Variants in LIN9 observed in about 807,000 individuals in gnomAD.
The protein encoded by LIN9 is protein lin-9 homolog.
A neutral mutation model predicts 78.0 loss-of-function variants in LIN9; 18 were observed. The observed-to-expected ratio is 0.23, with a 90% confidence interval of 0.16 to 0.34. LIN9 has a LOEUF of 0.34. LIN9 is among the 10% of genes least tolerant of loss of function. The pLI, the probability that LIN9 is intolerant of heterozygous loss-of-function variation, is 1.00. For synonymous variants in LIN9, 192 were observed against 215.2 expected, an observed-to-expected ratio of 0.89 and a Z score of 0.94; for missense variants, 451 against 644.1, an observed-to-expected ratio of 0.70 and a Z score of 3.25.
At chr1:226,280,210 A>C (rs899636563) in intron 6 of LIN9, among the ~76,000 whole-genome samples, 1 of 152,222 alleles carries the variant, frequency 6.6e-6, no homozygotes, top group Non-Finnish European at 1.5e-5. Flanking sequence ...TTCACTTTCA[A>C]AGGTACATTA....
At chr1:226,266,930 C>T (rs1659955479) in intron 8 of LIN9, among the ~76,000 whole-genome samples, 1 of 151,878 alleles carries the variant, frequency 6.6e-6, no homozygotes, top group Admixed American at 6.6e-5. Context: ...CAGACATGTG[C>T]TACCCCACCC....
At chr1:226,233,257 G>A (rs968283899) in intron 13 of LIN9, 64 bp from the exon 14 acceptor site, 13 of 1,514,370 alleles carry the variant, frequency 8.6e-6, no homozygotes, top group Non-Finnish European at 1.2e-5. Flanking sequence ...TAAAATACCT[G>A]ATATAATCAA....
chr1:226,300,491 C>G (rs566874409), intron 2 of LIN9, among the ~76,000 whole-genome samples: 1 of 152,258 alleles, frequency 6.6e-6, no homozygotes, highest in African/African-American at 2.4e-5. Flanking sequence ...GTCGAGGCTA[C>G]AGTGAACTGT....
upstream of LIN9, chr1:226,309,597 G>A (rs906609793): frequency 1.6e-6 from 2 of 1,233,686 alleles, no homozygotes; most frequent in Non-Finnish European, 2.1e-6. Context: ...CATTGCCCGA[G>A]GGGGCTCTAC....
intron 1 of LIN9, among the ~76,000 whole-genome samples, chr1:226,302,860 C>T (rs536687905): frequency 1.3e-5 from 2 of 152,158 alleles, no homozygotes; most frequent in South Asian, 2.1e-4. Context: ...CATCTCAGAT[C>T]CTTAAACACT....
upstream of LIN9, chr1:226,309,451 A>G: frequency 9.2e-7 from 1 of 1,083,668 alleles, no homozygotes; most frequent in Non-Finnish European, 1.1e-6. Context: ...CCAGCTCCGG[A>G]GTCCCGCCCG....
intron 6 of LIN9, among the ~76,000 whole-genome samples, chr1:226,286,015 A>G (rs1443991857): frequency 6.6e-6 from 1 of 152,222 alleles, no homozygotes. Context: ...TATATTTAAC[A>G]TATAATCAAT....
intron 10 of LIN9, among the ~76,000 whole-genome samples, chr1:226,254,809 G>T (rs1426552053): frequency 6.6e-6 from 1 of 151,554 alleles, no homozygotes; most frequent in Non-Finnish European, 1.5e-5. Context: ...TACTCGGGAG[G>T]CTGAGGCAGA....
At chr1:226,242,619 A>G (rs1658188957) in intron 11 of LIN9, among the ~76,000 whole-genome samples, 1 of 152,234 alleles carries the variant, frequency 6.6e-6, no homozygotes. Context: ...GTGCAGGTCC[A>G]CTTACATTAC....
chr1:226,252,118 C>G (rs1428433724), intron 10 of LIN9, among the ~76,000 whole-genome samples: 2 of 151,684 alleles, frequency 1.3e-5, no homozygotes, highest in African/African-American at 4.8e-5. Flanking sequence ...CTCATCTCCA[C>G]AAAAAATAAA....
At position 226,301,204 on chromosome 1, in the gene LIN9, G is replaced by C. The variant is rs1465776773; in HGVS notation, c.33C>G (p.Ser11Arg). The part of the protein sequence containing the change: MAELDQLPDE[S>R]SSAKALVSLK... Reference sequence around the variant, plus strand: ...AACTGACAAGGGCTTTTGCTGAAGAGCCTGCAATTAAAAATAAAACAAATC... The same window carrying C: ...AACTGACAAGGGCTTTTGCTGAAGACCCTGCAATTAAAAATAAAACAAATC... The change falls in exon 2 of 15, where the codon AGC becomes AGG. Residue 11 changes from serine to arginine, a missense_variant and splice_region_variant. Ser to Arg is a moderately radical substitution (Grantham distance 110, BLOSUM62 -1). Transcript: ENST00000681046. 6.2e-7 allele frequency: 1 copy of C among 1,600,206 alleles called. No homozygotes were observed. Among genetic ancestry groups the C allele is most frequent in the East Asian group, 2.2e-5 (1 of 44,760 alleles).
In LIN9 at chr1:226,266,306, T is replaced by C; in HGVS notation, c.843A>G (p.Pro281=). 1 of 1,602,784 alleles carries C rather than the reference T, an allele frequency of 6.2e-7. No homozygotes were observed. Among genetic ancestry groups the C allele is most frequent in the Non-Finnish European group, 8.5e-7 (1 of 1,172,848 alleles). Residue 281 remains proline (P), a synonymous_variant, in exon 9 of 15, where the codon CCA becomes CCG. Transcript: ENST00000681046. The part of the protein sequence containing the change: ...VLSNEPHETM[P]IAAFGQKQRP... ...GCTGTTTTTGTCCAAAGGCAGCAAT[T>C]GGCATTGTCTCATGAGGTTCATTAC...
intron 10 of LIN9, among the ~76,000 whole-genome samples, chr1:226,256,233 G>T (rs745474319): frequency 6.6e-4 from 100 of 151,164 alleles, no homozygotes; most frequent in Non-Finnish European, 9.9e-4. Flanking sequence ...CTAAAAAAAA[G>T]GAAAAAAAAA....
chr1:226,283,786 A>C (rs1454674161), intron 6 of LIN9, among the ~76,000 whole-genome samples: 1 of 152,040 alleles, frequency 6.6e-6, no homozygotes, highest in Non-Finnish European at 1.5e-5. Flanking sequence ...CGTCTCTACT[A>C]AAAATACAAA....
At chr1:226,269,956 C>T (rs1205708214) in intron 7 of LIN9, among the ~76,000 whole-genome samples, 1 of 152,160 alleles carries the variant, frequency 6.6e-6, no homozygotes, top group African/African-American at 2.4e-5. Context: ...GGGAGTCTCG[C>T]TCCGTTGCCC....
At position 226,265,823 on chromosome 1, in the gene LIN9, C is replaced by T. The variant is rs1239409290; in HGVS notation, c.937-189G>A. Among the ~76,000 whole-genome samples the T allele has an allele frequency of 2.6e-5, 4 of 151,998 alleles. No homozygotes were observed. The highest frequency in any genetic ancestry group is 6.6e-5 in the Admixed American group (1 of 15,244). The stretch of plus-strand genomic sequence containing the variant: ...CCTCCCGAGCAGCTGGGATTACAGG[C>T]GCGCGCCACCACGCCCAGCTAATTT... On this transcript the variant is annotated intron_variant, in intron 9 of 14. Transcript: ENST00000681046. This position sits in a 1 kb window ranked among gnomAD's most constrained non-coding sequence, Gnocchi z 4.1.
rs1576291524 is a variant in LIN9, at chr1:226,250,887, C to T, written c.1071G>A (p.Lys357=). ...TRLSKILMIK[K]EHIKKLREMN... The stretch of plus-strand genomic sequence containing the variant: ...TTTCCCTTAATTTCTTGATATGTTC[C>T]TTTTTAATCATGAGAATTTTTGATA... Residue 357 remains lysine, a synonymous_variant, in exon 11 of 15, where the codon AAG becomes AAA. Transcript: ENST00000681046. The T allele has an allele frequency of 6.5e-7, 1 of 1,538,080 alleles. No individual in the cohort carries two copies. The highest frequency in any genetic ancestry group is 8.9e-7 in the Non-Finnish European group (1 of 1,122,232).
chr1:226,307,123 A>C (rs1219431657), intron 1 of LIN9, among the ~76,000 whole-genome samples: 2 of 152,264 alleles, frequency 1.3e-5, no homozygotes, highest in African/African-American at 4.8e-5. Context: ...GATGATATGA[A>C]GCAAATATTC....
At chr1:226,241,781 C>T (rs1396008717) in intron 11 of LIN9, among the ~76,000 whole-genome samples, 1 of 152,062 alleles carries the variant, frequency 6.6e-6, no homozygotes, top group African/African-American at 2.4e-5. Context: ...TGGCATGAAC[C>T]CGCGAGGTGG....
Sources: gnomAD v4.1 joint callset for allele counts (sites outside exome capture counted in the v4.1 genomes callset) on GRCh38, gnomAD v4.1.1 for gene constraint, Gnocchi (gnomAD v3.1) non-coding constraint, MANE v1.5 for transcripts, NCBI Gene and HGNC (gene_info 2026-07-23, HGNC 2026-07-21) for gene names.